Variants in CSRNP3 observed in about 807,000 individuals in gnomAD.
CSRNP3 encodes cysteine and serine rich nuclear protein 3.
In CSRNP3, 12 loss-of-function variants were observed where a neutral mutation model predicts 48.0. The observed-to-expected ratio is 0.25, with a 90% CI of 0.16 to 0.41. The LOEUF is 0.41. Among genes scored for constraint, CSRNP3 ranks in the 10% least tolerant of loss-of-function variants. The pLI is 1.00. For missense variants in CSRNP3, 580 were observed against 724.4 expected (o/e 0.80, Z 2.29); for synonymous variants, 263 against 269.7 (o/e 0.98, Z 0.24).
At chr2:165,553,392 C>G (rs1685123134) in intron 3 of CSRNP3, among the ~76,000 whole-genome samples, 1 of 152,142 alleles carries the variant, frequency 6.6e-6, no homozygotes, top group Non-Finnish European at 1.5e-5. Context: ...TAGTATATGC[C>G]TGGTATGACC....
At chr2:165,620,853 C>T (rs965552243) in intron 4 of CSRNP3, among the ~76,000 whole-genome samples, 1 of 152,018 alleles carries the variant, frequency 6.6e-6, no homozygotes, top group Non-Finnish European at 1.5e-5. Flanking sequence ...GTCAATGTTG[C>T]CCATGGATTA....
At chr2:165,503,950 G>C (rs751402862) in intron 2 of CSRNP3, among the ~76,000 whole-genome samples, 1 of 151,942 alleles carries the variant, frequency 6.6e-6, no homozygotes, top group Non-Finnish European at 1.5e-5. Context: ...AATAATGAAT[G>C]TAAAGTTGTA....
intron 4 of CSRNP3, among the ~76,000 whole-genome samples, chr2:165,623,780 T>C (rs1306263314): frequency 6.6e-6 from 1 of 152,244 alleles, no homozygotes; most frequent in Non-Finnish European, 1.5e-5. Context: ...CCTGAATTCC[T>C]ACTTCTGAAA....
At chr2:165,560,337 C>T (rs1379438725) in intron 3 of CSRNP3, among the ~76,000 whole-genome samples, 6 of 152,100 alleles carry the variant, frequency 3.9e-5, no homozygotes, top group Non-Finnish European at 7.4e-5. Flanking sequence ...TTTGTAAAGC[C>T]GTTTTGAAAA....
intron 5 of CSRNP3, among the ~76,000 whole-genome samples, chr2:165,674,740 C>T (rs1284664394): frequency 1.5e-5 from 2 of 136,704 alleles, no homozygotes; most frequent in Non-Finnish European, 3.0e-5. Flanking sequence ...TAAATAGGGT[C>T]TCACTCTGTC....
At chr2:165,659,068 G>A (rs1326763906) in intron 5 of CSRNP3, among the ~76,000 whole-genome samples, 1 of 152,174 alleles carries the variant, frequency 6.6e-6, no homozygotes, top group Non-Finnish European at 1.5e-5. Context: ...ACTTCCTAAG[G>A]CCATCAAAAG....
At chr2:165,503,543 TA>T (rs1378706883) in intron 2 of CSRNP3, among the ~76,000 whole-genome samples, 2 of 151,962 alleles carry the variant, frequency 1.3e-5, no homozygotes, top group African/African-American at 4.8e-5. Flanking sequence ...ACCATACTCT[TA>T]AAGTTTAACA....
intron 3 of CSRNP3, among the ~76,000 whole-genome samples, chr2:165,561,014 A>T (rs1241742727): frequency 6.6e-6 from 1 of 152,198 alleles, no homozygotes; most frequent in African/African-American, 2.4e-5. Flanking sequence ...GCCAGAAAAC[A>T]TGCCTTTAAA....
intron 1 of CSRNP3, among the ~76,000 whole-genome samples, chr2:165,493,743 T>C (rs935432411): frequency 1.3e-5 from 2 of 152,114 alleles, no homozygotes; most frequent in African/African-American, 2.4e-5. Context: ...TACTGTCTCC[T>C]TGAATAAGAG....
intron 3 of CSRNP3, among the ~76,000 whole-genome samples, chr2:165,592,166 T>G (rs1558943497): frequency 6.6e-6 from 1 of 152,238 alleles, no homozygotes; most frequent in African/African-American, 2.4e-5. Context: ...ATTTTGGAAC[T>G]TTAAGGCTTA....
At chr2:165,591,875 A>G (rs1685723307) in intron 3 of CSRNP3, among the ~76,000 whole-genome samples, 1 of 152,198 alleles carries the variant, frequency 6.6e-6, no homozygotes, top group Non-Finnish European at 1.5e-5. Flanking sequence ...TGCAGAAGGG[A>G]AGTTTGGGGT....
chr2:165,666,233 G>C (rs531792571), intron 5 of CSRNP3, among the ~76,000 whole-genome samples: 2 of 117,630 alleles, frequency 1.7e-5, no homozygotes, highest in Non-Finnish European at 3.5e-5. Flanking sequence ...GGAAGGAAGG[G>C]AGGAAAGAGA....
chr2:165,645,947 A>G (rs889632636), intron 4 of CSRNP3, among the ~76,000 whole-genome samples: 1 of 150,936 alleles, frequency 6.6e-6, no homozygotes, highest in African/African-American at 2.5e-5. Context: ...GTTTCACCAT[A>G]TTCCCCAGGC....
At chr2:165,483,343 C>T (rs1470172838) in intron 1 of CSRNP3, among the ~76,000 whole-genome samples, 1 of 152,090 alleles carries the variant, frequency 6.6e-6, no homozygotes, top group African/African-American at 2.4e-5. Flanking sequence ...CATTGTAGTT[C>T]TTCCTTCAAA....
chr2:165,603,831 A>C (rs1469102495), intron 4 of CSRNP3, among the ~76,000 whole-genome samples: 1 of 152,180 alleles, frequency 6.6e-6, no homozygotes, highest in Non-Finnish European at 1.5e-5. Flanking sequence ...ATCTCAAAGC[A>C]CACAATGTTC....
chr2:165,571,057 T>C (rs932813932), intron 3 of CSRNP3, among the ~76,000 whole-genome samples: 14 of 152,004 alleles, frequency 9.2e-5, no homozygotes, highest in African/African-American at 3.4e-4. Context: ...AAATTTTGAG[T>C]TATAATATTT....
intron 5 of CSRNP3, among the ~76,000 whole-genome samples, chr2:165,662,659 G>A (rs1687116871): frequency 6.6e-6 from 1 of 152,194 alleles, no homozygotes; most frequent in African/African-American, 2.4e-5. Flanking sequence ...CCATTTGTAT[G>A]TTTTAAAGAA....
At chr2:165,602,075 T>C (rs527829026) in intron 4 of CSRNP3, among the ~76,000 whole-genome samples, 14 of 152,296 alleles carry the variant, frequency 9.2e-5, no homozygotes, top group African/African-American at 3.1e-4. Flanking sequence ...GAACTAACTT[T>C]AGCAAAGACA....
At chr2:165,518,440 G>A (rs1684608907) in intron 3 of CSRNP3, among the ~76,000 whole-genome samples, 1 of 151,782 alleles carries the variant, frequency 6.6e-6, no homozygotes, top group Non-Finnish European at 1.5e-5. Flanking sequence ...TGCTATCATT[G>A]GAAAGTGTGG....
Sources: allele counts gnomAD v4.1 joint callset (sites outside exome capture counted in the v4.1 genomes callset), GRCh38; gene constraint gnomAD v4.1.1; transcripts MANE v1.5; gene names NCBI Gene and HGNC (gene_info 2026-07-23, HGNC 2026-07-21).